The following TIAM1 variants were observed in gnomAD, a reference collection of about 807,000 sequenced individuals.
TIAM1 encodes the protein rho guanine nucleotide exchange factor TIAM1.
Under a neutral mutation model 163.5 loss-of-function variants are expected in TIAM1, and 65 were observed. The ratio of observed to expected loss-of-function variants is 0.40; its 90% confidence interval spans 0.33 to 0.49. The LOEUF (loss-of-function observed/expected upper bound fraction) is 0.49, where lower values mean the gene tolerates loss of function less well. Ranked by LOEUF, TIAM1 falls within the 20% of genes least tolerant of loss-of-function variation. TIAM1 has a pLI of 0.77. For synonymous variants in TIAM1, 833 were observed against 810.1 expected, an observed-to-expected ratio of 1.03 and a Z score of -0.48; for missense variants, 1,789 against 2,044.7, an observed-to-expected ratio of 0.87 and a Z score of 2.41.
At chr21:31,398,606 T>A (rs920356201) in intron 2 of TIAM1, among the ~76,000 whole-genome samples, 9 of 152,252 alleles carry the variant, frequency 5.9e-5, no homozygotes, top group Non-Finnish European at 8.8e-5. Flanking sequence ...AAGTTTGCCA[T>A]CCTCATAGCA....
intron 3 of TIAM1, among the ~76,000 whole-genome samples, chr21:31,270,976 G>A (rs1476825701): frequency 6.6e-6 from 1 of 152,084 alleles, no homozygotes; most frequent in Non-Finnish European, 1.5e-5. Context: ...GGCCTTTCCT[G>A]ACCCCTCCTC....
intron 6 of TIAM1, among the ~76,000 whole-genome samples, chr21:31,238,089 A>G (rs1202867070): frequency 6.6e-6 from 1 of 152,212 alleles, no homozygotes; most frequent in African/African-American, 2.4e-5. Context: ...TCCATGGGTG[A>G]ATCTGTGGGT....
intron 23 of TIAM1, among the ~76,000 whole-genome samples, chr21:31,132,544 A>G (rs964560711): frequency 1.3e-5 from 2 of 152,194 alleles, no homozygotes; most frequent in Admixed American, 6.5e-5. Context: ...CTTAGAAATG[A>G]AAGAGCTCTA....
chr21:31,160,161 A>G (rs548966982), intron 16 of TIAM1, among the ~76,000 whole-genome samples: 1 of 152,348 alleles, frequency 6.6e-6, no homozygotes, highest in East Asian at 1.9e-4. Flanking sequence ...AATTAAACAA[A>G]AAAATGCAGA....
rs966115730 is a variant in TIAM1, at chr21:31,135,865, G to T, written c.3883+68C>A. ...TTTTAATCAATTGGGTCTTGAAAAA[G>T]AAATGTTCTTGTTTTGAAAACTAAG... On this transcript the variant is annotated intron_variant, in intron 23 of 27. Coordinates refer to ENST00000541036, the MANE Select transcript of TIAM1 (RefSeq NM_001353694.2). 2.8e-6 allele frequency: 4 copies of T among 1,438,230 alleles called. No individual in the cohort carries two copies. The African/African-American group carries it at 4.2e-5, about 15-fold the overall frequency. The allele number at this position is 1,438,230 out of a possible 1,614,324, so 89.1% of individuals were successfully genotyped here.
At chr21:31,554,145 C>A (rs2048791094) in intron 1 of TIAM1, among the ~76,000 whole-genome samples, 1 of 152,108 alleles carries the variant, frequency 6.6e-6, no homozygotes, top group Non-Finnish European at 1.5e-5. Context: ...ATCCTGTCTT[C>A]CTCATGGTCA....
intron 13 of TIAM1, among the ~76,000 whole-genome samples, chr21:31,190,559 T>A (rs979530250): frequency 6.6e-6 from 1 of 152,112 alleles, no homozygotes; most frequent in Non-Finnish European, 1.5e-5. Flanking sequence ...CAGGCACCTA[T>A]AACATGAGGA....
Position 31,224,566 on chromosome 21 carries a change from G to A in TIAM1, c.1810-975C>T, listed in dbSNP as rs549289143. On this transcript the variant is annotated intron_variant, in intron 7 of 27. Transcript: ENST00000541036. Reference sequence around the variant, plus strand: ...GAAGACAGAGTGCCGGGGGCAGAGAGGAGCAACTGCTTCACAGGTACAGGG... The same window carrying A: ...GAAGACAGAGTGCCGGGGGCAGAGAAGAGCAACTGCTTCACAGGTACAGGG... 2.6e-5 allele frequency among the ~76,000 whole-genome samples: 4 copies of A among 152,316 alleles called. No homozygotes were observed. The East Asian group carries it at 7.7e-4, about 29-fold the overall frequency.
intron 1 of TIAM1, among the ~76,000 whole-genome samples, chr21:31,476,392 T>C (rs2045936619): frequency 6.6e-6 from 1 of 152,212 alleles, no homozygotes; most frequent in African/African-American, 2.4e-5. Flanking sequence ...AGAGAAACGA[T>C]TAAGGGCTTG....
rs751817730 is a variant in TIAM1, at chr21:31,245,600, G to A, written c.1472C>T (p.Pro491Leu). The stretch of plus-strand genomic sequence containing the variant: ...GTTCTCCACCCAGACGGCGTGTTTG[G>A]GGATGCTGTTGTGGTCTATCCCAGA... ...GRSGIDHNSI[P>L]KHAVWVENSI... The change falls in exon 6 of 28, where the codon CCC (proline) becomes CTC (leucine). Residue 491 changes from proline to leucine, a missense_variant. This residue lies in a region of TIAM1 where 456 missense variants were observed against 586.6 expected (regional missense o/e 0.78). Transcript: ENST00000541036. 2.5e-6 allele frequency: 4 copies of A among 1,608,158 alleles called. No homozygotes were observed. Among genetic ancestry groups the A allele is most frequent in the Non-Finnish European group, 3.4e-6 (4 of 1,177,414 alleles).
At chr21:31,348,032 C>T (rs116302709), upstream of TIAM1, among the ~76,000 whole-genome samples, 296 of 152,268 alleles carry the variant, frequency 1.9e-3, 1 homozygote, top group South Asian at 5.4e-3. Context: ...GAAATGAAAA[C>T]GTATGGAGAG....
At chr21:31,125,000 A>C (rs1324004537) in intron 26 of TIAM1, among the ~76,000 whole-genome samples, 1 of 152,144 alleles carries the variant, frequency 6.6e-6, no homozygotes, top group Non-Finnish European at 1.5e-5. Flanking sequence ...CCTGGCACTC[A>C]AGGCAGAGTT....
At chr21:31,399,252 A>T (rs944877313) in intron 2 of TIAM1, among the ~76,000 whole-genome samples, 22 of 151,296 alleles carry the variant, frequency 1.5e-4, no homozygotes, top group Admixed American at 3.3e-4. Context: ...CAAGGAAATT[A>T]TTTTTTTTTA....
chr21:31,416,368 T>A (rs2043372383), intron 2 of TIAM1, among the ~76,000 whole-genome samples: 1 of 152,204 alleles, frequency 6.6e-6, no homozygotes, highest in Non-Finnish European at 1.5e-5. Flanking sequence ...TGGTTTCTGG[T>A]TACATGGATA....
At chr21:31,444,234 A>C (rs1292778251) in intron 2 of TIAM1, among the ~76,000 whole-genome samples, 1 of 152,130 alleles carries the variant, frequency 6.6e-6, no homozygotes, top group Non-Finnish European at 1.5e-5. Flanking sequence ...GAGGCACTAA[A>C]ATTTAGAATT....
chr21:31,161,489 C>T (rs1160408479), intron 16 of TIAM1, among the ~76,000 whole-genome samples: 1 of 152,134 alleles, frequency 6.6e-6, no homozygotes, highest in Non-Finnish European at 1.5e-5. Context: ...CCAGTACCAC[C>T]ACGCTCAACA....
At chr21:31,204,589 A>G (rs1470438742) in intron 11 of TIAM1, among the ~76,000 whole-genome samples, 2 of 152,220 alleles carry the variant, frequency 1.3e-5, no homozygotes, top group Non-Finnish European at 2.9e-5. Context: ...ATTCAGTTAC[A>G]CTTAACGAAC....
intron 2 of TIAM1, among the ~76,000 whole-genome samples, chr21:31,327,795 C>T (rs938264821): frequency 2.6e-5 from 4 of 152,028 alleles, no homozygotes; most frequent in African/African-American, 9.7e-5. Context: ...CTAATCGATG[C>T]CCAAACACAG....
At chr21:31,432,553 G>T (rs533153303) in intron 2 of TIAM1, among the ~76,000 whole-genome samples, 1 of 152,116 alleles carries the variant, frequency 6.6e-6, no homozygotes, top group Non-Finnish European at 1.5e-5. Flanking sequence ...CACACTCTCC[G>T]GCCAGTTTGT....
Sources: gnomAD v4.1 joint callset for allele counts (sites outside exome capture counted in the v4.1 genomes callset) on GRCh38, gnomAD v4.1.1 for gene constraint, gnomAD v4.1.1 regional missense constraint, MANE v1.5 for transcripts, NCBI Gene and HGNC (gene_info 2026-07-23, HGNC 2026-07-21) for gene names.